The following BACH1 variants were observed in gnomAD, a reference collection of about 807,000 sequenced individuals.
The protein encoded by BACH1 is transcription regulator protein BACH1.
A neutral mutation model predicts 52.9 loss-of-function variants in BACH1; 35 were observed. That is an observed-to-expected ratio of 0.66 (90% confidence interval 0.51 to 0.88). BACH1 has a LOEUF of 0.88. BACH1 is among the 40% of genes least tolerant of loss of function. The probability of loss-of-function intolerance (pLI) is 0.00; values close to 1 mark genes in which losing one functional copy is unlikely to be tolerated. For synonymous variants in BACH1, 321 were observed against 319.6 expected, an observed-to-expected ratio of 1.00 and a Z score of -0.05; for missense variants, 808 against 872.6, an observed-to-expected ratio of 0.93 and a Z score of 0.93.
At chr21:29,305,731 C>T (rs1010287383) in intron 1 of BACH1, among the ~76,000 whole-genome samples, 2 of 152,330 alleles carry the variant, frequency 1.3e-5, no homozygotes, top group African/African-American at 4.8e-5. Context: ...TGCTGCTGTT[C>T]TCCCCCAACT....
Position 29,330,331 on chromosome 21 carries a change from AT to A in BACH1, c.1776+648del, listed in dbSNP as rs560475392. ...AGGCGCCTGCCACTGCGCCTGGCTA[AT>A]TTTTTTTTTAATTTATTTTTTGTAT... On this transcript the variant is annotated intron_variant, in intron 4 of 4. Transcript: ENST00000286800. Among the ~76,000 whole-genome samples, 28 of 149,598 alleles carry A rather than the reference AT, an allele frequency of 1.9e-4. 1 individual carries two copies. Among genetic ancestry groups the A allele is most frequent in the Admixed American group, 7.3e-4 (11 of 15,008 alleles).
intron 3 of BACH1, among the ~76,000 whole-genome samples, chr21:29,328,700 A>AT (rs933573193): frequency 2.0e-5 from 3 of 151,600 alleles, no homozygotes; most frequent in Admixed American, 6.6e-5. Flanking sequence ...GCAATTCCCC[A>AT]TTTTTTCCCT....
rs1041082303 is a variant in BACH1 at position 29,360,218 on chromosome 21, A to C, written c.472+30525A>C. ...AGCTGTGCCCTGACCACTTGGGTAC[A>C]TGTCATCATGTACCCAAGACTTCCT... On this transcript the variant is annotated intron_variant, in intron 2 of 4. Coordinates refer to the BACH1 transcript ENST00000422809. 1.1e-4 allele frequency among the ~76,000 whole-genome samples: 16 copies of C among 152,200 alleles called. 2 individuals are homozygous for C. Among genetic ancestry groups the C allele is most frequent in the Admixed American group, 1.0e-3 (16 of 15,284 alleles).
chr21:29,338,829 A>G (rs549955209), intron 4 of BACH1, among the ~76,000 whole-genome samples: 2 of 150,572 alleles, frequency 1.3e-5, no homozygotes, highest in South Asian at 4.2e-4. Flanking sequence ...TAGTTTCTGG[A>G]TTTTTTTTTC....
At chr21:29,313,075 A>G (rs1175521877) in intron 1 of BACH1, among the ~76,000 whole-genome samples, 2 of 152,222 alleles carry the variant, frequency 1.3e-5, no homozygotes, top group East Asian at 3.9e-4. Context: ...TGACAGTACC[A>G]AGGGTTAATG....
rs1481985424 is a variant in BACH1, at chr21:29,326,909, G to A, written c.1085G>A (p.Gly362Asp). The change falls in exon 3 of 5, where the codon GGT becomes GAT. Residue 362 changes from glycine (G) to aspartate (D), a missense_variant. Physicochemically the swap from Gly to Asp is moderately conservative, Grantham distance 94 (BLOSUM62 -1). Transcript: ENST00000286800. The stretch of plus-strand genomic sequence containing the variant: ...ACAGACGTCCAAGAAAAAACATTTG[G>A]TGAAAGTCAGGATTTACCTTTGAAA... The part of the protein sequence containing the change: ...SGTDVQEKTF[G>D]ESQDLPLKSD... 6.2e-7 allele frequency: 1 copy of A among 1,614,232 alleles called. No homozygotes were observed. The highest frequency in any genetic ancestry group is 2.2e-5 in the East Asian group (1 of 44,880).
rs988807458 is a variant in BACH1 at position 29,361,866 on chromosome 21, G to A, written c.472+32173G>A. 5 of 152,146 alleles carry A rather than the reference G, an allele frequency of 3.3e-5. No individual in the cohort carries two copies. In the South Asian group the frequency reaches 1.0e-3, roughly 32 times the overall value. The allele number at this position is 152,146 out of a possible 1,614,324, so 9.4% of individuals were successfully genotyped here. On this transcript the variant is annotated intron_variant, in intron 2 of 4. Coordinates refer to the BACH1 transcript ENST00000422809. ...TAATAAGGACCCATGCCATTCTGAT[G>A]TAATTATTAATAAAGTCACACTTGA...
chr21:29,305,739 A>G (rs1229152996), intron 1 of BACH1, among the ~76,000 whole-genome samples: 1 of 152,126 alleles, frequency 6.6e-6, no homozygotes, highest in Non-Finnish European at 1.5e-5. Flanking sequence ...TTCTCCCCCA[A>G]CTCACATGAA....
intron 2 of BACH1, among the ~76,000 whole-genome samples, chr21:29,321,908 A>G (rs2088852824): frequency 3.9e-5 from 6 of 152,076 alleles, no homozygotes; most frequent in Admixed American, 3.9e-4. Context: ...TCGTGGCGCT[A>G]ATAAAGACAT....
rs1319311388 is a variant in BACH1, at chr21:29,343,460, A to T, written c.*627A>T. 1 of 152,242 alleles carries T rather than the reference A, an allele frequency of 6.6e-6. No individual in the cohort carries two copies. The highest frequency in any genetic ancestry group is 1.5e-5 in the Non-Finnish European group (1 of 68,094). 9.4% of individuals were successfully genotyped at this position (152,242 alleles called of 1,614,324 possible). On this transcript the variant is annotated 3_prime_UTR_variant, in exon 5 of 5. Coordinates refer to ENST00000286800, the MANE Select transcript of BACH1 (RefSeq NM_001186.4). ...TAAATAGGCAAGTGGTTGGCCTAAG[A>T]CGGGGGCTGCTTCTCCTCTTCAGTA...
chr21:29,303,569 A>G (rs1481649188), intron 1 of BACH1, among the ~76,000 whole-genome samples: 1 of 152,166 alleles, frequency 6.6e-6, no homozygotes, highest in East Asian at 1.9e-4. Flanking sequence ...TTAGCTTTCT[A>G]CTTTCTGTTT....
chr21:29,350,710 G>T (rs932555838), downstream of BACH1, among the ~76,000 whole-genome samples: 1 of 152,188 alleles, frequency 6.6e-6, no homozygotes, highest in Non-Finnish European at 1.5e-5. Flanking sequence ...ATCAGCCAGC[G>T]CACTCCATCT....
At chr21:29,319,380 A>G (rs1300802080) in intron 1 of BACH1, among the ~76,000 whole-genome samples, 1 of 152,110 alleles carries the variant, frequency 6.6e-6, no homozygotes, top group Non-Finnish European at 1.5e-5. Flanking sequence ...ATTGTTTTCA[A>G]CAGAAGAGGG....
At chr21:29,339,325 G>A (rs2089083052) in intron 4 of BACH1, among the ~76,000 whole-genome samples, 2 of 152,134 alleles carry the variant, frequency 1.3e-5, no homozygotes, top group African/African-American at 2.4e-5. Context: ...GAGATACCAT[G>A]ATATCTCGTG....
At chr21:29,359,132 T>C (rs902927827) in intron 2 of BACH1, 2 of 152,080 alleles carry the variant, frequency 1.3e-5, no homozygotes, top group Non-Finnish European at 2.9e-5. Context: ...ATAGCATTTA[T>C]CATAGTAAAT....
rs189530897 is a variant in BACH1, at chr21:29,330,742, C to T, written c.1776+1049C>T. 1.7e-3 allele frequency among the ~76,000 whole-genome samples: 262 copies of T among 152,102 alleles called. 1 individual carries two copies. Among genetic ancestry groups the T allele is most frequent in the African/African-American group, 5.6e-3 (234 of 41,478 alleles). ...ATTGTGGCAAGTTTTCAAGCGTGAA[C>T]ATTCTAGCTATGAATGGCAATTAAA... is the stretch of plus-strand genomic sequence containing the variant. On this transcript the variant is annotated intron_variant, in intron 4 of 4. Coordinates refer to ENST00000286800, the MANE Select transcript of BACH1 (RefSeq NM_001186.4).
rs774653180 is a variant in BACH1 at position 29,342,782 on chromosome 21, G to C, written c.2160G>C (p.Gly720=). 1 of 1,611,306 alleles carries C rather than the reference G, an allele frequency of 6.2e-7. No homozygotes were observed. Among genetic ancestry groups the C allele is most frequent in the Non-Finnish European group, 8.5e-7 (1 of 1,177,724 alleles). ...CGGAACAGTGTCGTCAGAGTGGTGG[G>C]ATCTCAGATTTCTGTCAGCAGATGA... is the stretch of plus-strand genomic sequence containing the variant. ...GPAEQCRQSG[G]ISDFCQQMTD... is the part of the protein sequence containing the mutation. The change falls in exon 5 of 5, where the codon GGG becomes GGC. Residue 720 remains glycine, a synonymous_variant. Coordinates refer to ENST00000286800, the MANE Select transcript of BACH1 (RefSeq NM_001186.4).
chr21:29,299,651 A>G (rs752115757), intron 1 of BACH1: 10 of 152,232 alleles, frequency 6.6e-5, no homozygotes, highest in Non-Finnish European at 1.3e-4. Context: ...GTGTAATGTA[A>G]CACGAGTGCC....
rs2088883717 is a variant in BACH1, at chr21:29,324,299, A to G, written c.235-1760A>G. 2.0e-5 allele frequency among the ~76,000 whole-genome samples: 3 copies of G among 151,278 alleles called. No homozygotes were observed. In the South Asian group the frequency reaches 6.3e-4, roughly 32 times the overall value. On this transcript the variant is annotated intron_variant, in intron 2 of 4. Transcript: ENST00000286800. ...AAGATCCCTTGTGTTGTCCTTTTAT[A>G]ACCACAGACATCTCCTGCCTACACT...
Sources: gnomAD v4.1 joint callset for allele counts (sites outside exome capture counted in the v4.1 genomes callset) on GRCh38, gnomAD v4.1.1 for gene constraint, MANE v1.5 for transcripts, NCBI Gene and HGNC (gene_info 2026-07-23, HGNC 2026-07-21) for gene names.